HENMT1: variants seen among roughly 807,000 people sequenced by gnomAD.
The protein encoded by HENMT1 is HEN methyltransferase 1.
In HENMT1, 27 loss-of-function variants were observed where a neutral mutation model predicts 31.1. That is an observed-to-expected ratio of 0.87 (90% CI 0.64 to 1.20). HENMT1 has a LOEUF of 1.20. HENMT1 is among the 50% of genes most tolerant of loss of function. The pLI is 0.00. For missense variants in HENMT1, 438 were observed against 469.6 expected, an observed-to-expected ratio of 0.93 and a Z score of 0.62; for synonymous variants, 167 against 172.2, an observed-to-expected ratio of 0.97 and a Z score of 0.24.
intron 7 of HENMT1, 153 bp downstream of exon 7, chr1:108,650,058 C>T: frequency 1.3e-6 from 1 of 743,674 alleles, no homozygotes; most frequent in Non-Finnish European, 2.4e-6. Context: ...CTAACTCGGA[C>T]AGTAGTCATG....
At chr1:108,655,888 C>G (rs1658224471) in intron 3 of HENMT1, among the ~76,000 whole-genome samples, 190 bp from the exon 4 acceptor site, 1 of 148,898 alleles carries the variant, frequency 6.7e-6, no homozygotes, top group South Asian at 2.1e-4. Context: ...CACACACACA[C>G]ACACTAACCT....
At position 108,650,454 on chromosome 1, in the gene HENMT1, T is replaced by C. The variant is rs919048974; in HGVS notation, c.579-66A>G. 23 of 1,399,928 alleles carry C rather than the reference T, an allele frequency of 1.6e-5. No homozygotes were observed. In the African/African-American group the frequency reaches 2.7e-4, roughly 17 times the overall value. The allele number at this position is 1,399,928 out of a possible 1,614,324, so 86.7% of individuals were successfully genotyped here. On this transcript the variant is annotated intron_variant, in intron 6 of 7. Transcript: ENST00000651461. ...AGAGCTACTGTTAAATAAGGAACCATTTCTGGTCAGCAGTAAAAGAGAACA... is the reference window on the plus strand; with the variant it reads ...AGAGCTACTGTTAAATAAGGAACCACTTCTGGTCAGCAGTAAAAGAGAACA...
chr1:108,650,427 GTA>G, intron 6 of HENMT1, 39 bp from the exon 7 acceptor site: 1 of 1,566,124 alleles, frequency 6.4e-7, no homozygotes, highest in East Asian at 2.2e-5. Flanking sequence ...TTTTCTAAAT[GTA>G]GAGCTACTGT....
chr1:108,657,992 T>G lies in HENMT1; in HGVS notation c.22-413A>C, dbSNP rs12039695. Among the ~76,000 whole-genome samples, 20 of 145,958 alleles carry G rather than the reference T, an allele frequency of 1.4e-4. 2 individuals carry two copies. The highest frequency in any genetic ancestry group is 5.4e-4 in the African/African-American group (20 of 37,212). On this transcript the variant is annotated intron_variant, in intron 2 of 7. Coordinates refer to ENST00000651461, the MANE Select transcript of HENMT1 (RefSeq NM_001102592.2). ...ATATATATACACACACACATATATA[T>G]ACACACACACACACACATATATGTA...
At chr1:108,655,476 C>T (rs1658202642) in intron 4 of HENMT1, 110 bp downstream of exon 4, 8 of 558,890 alleles carry the variant, frequency 1.4e-5, no homozygotes, top group South Asian at 6.5e-5. Context: ...GTTGAAGATC[C>T]CTAATGGCCC....
chr1:108,658,096 TATATACACACACACACACACAC>T (rs1219951748), intron 2 of HENMT1, among the ~76,000 whole-genome samples: 14 of 107,192 alleles, frequency 1.3e-4, no homozygotes, highest in Admixed American at 5.9e-4. Flanking sequence ...CACACACACA[TATATACACACACACACACACAC>T]ATATATATAT....
intron 2 of HENMT1, among the ~76,000 whole-genome samples, chr1:108,658,143 T>A (rs185894936): frequency 6.8e-5 from 10 of 148,126 alleles, no homozygotes; most frequent in African/African-American, 1.7e-4. Flanking sequence ...ATTTTTTTTT[T>A]CCCCCCAAGA....
intron 7 of HENMT1, 138 bp downstream of exon 7, chr1:108,650,073 C>G (rs930347452): frequency 1.5e-5 from 12 of 792,960 alleles, no homozygotes; most frequent in Non-Finnish European, 2.6e-5. Context: ...GTCATGGGGC[C>G]TGAAGAATTC....
rs375964942 is a variant in HENMT1 at position 108,648,640 on chromosome 1, T to C, written c.1108A>G (p.Ile370Val). ...EMMRSVIADS[I>V]PLSSDGSAVV... ...GCAGAACCATCACTGCTCAGAGGAA[T>C]TGAGTCAGCAATGACTGATCTCATC... is the stretch of plus-strand genomic sequence containing the variant. The change falls in exon 8 of 8, where the codon ATT (isoleucine) becomes GTT (valine). Residue 370 changes from isoleucine to valine, a missense_variant. By Grantham distance (29) the Ile-to-Val change is conservative. Transcript: ENST00000651461. The C allele has an allele frequency of 1.9e-5, 31 of 1,614,106 alleles. No individual in the cohort carries two copies. The highest frequency in any genetic ancestry group is 2.5e-5 in the Non-Finnish European group (29 of 1,180,030).
intron 3 of HENMT1, among the ~76,000 whole-genome samples, chr1:108,655,948 G>A (rs1570636710): frequency 6.6e-6 from 1 of 150,802 alleles, no homozygotes; most frequent in Non-Finnish European, 1.5e-5. Flanking sequence ...CACTAAAATA[G>A]AAAGGTCCAT....
rs1416863853 is a variant in HENMT1 at position 108,658,072 on chromosome 1, CACACACACACACACACACACACATATAT to C, written c.22-521_22-494del. 3.9e-3 allele frequency among the ~76,000 whole-genome samples: 35 copies of C among 8,988 alleles called. 1 individual carries two copies. Among genetic ancestry groups the C allele is most frequent in the South Asian group, 0.011 (2 of 182 alleles). The allele number at this position is 8,988 out of a possible 152,430, so 5.9% of individuals were successfully genotyped here. On this transcript the variant is annotated intron_variant, in intron 2 of 7. Transcript: ENST00000651461. ...ACACACACACACACATATATATGTACACACACACACACACACACACACATATATACACACACACACACACACATATATA... is the reference window on the plus strand; with the variant it reads ...ACACACACACACACATATATATGTACACACACACACACACACACATATATA...
At chr1:108,661,126 G>A (rs142138326), upstream of HENMT1, 870 of 468,870 alleles carry the variant, frequency 1.9e-3, 3 homozygotes, top group Non-Finnish European at 2.0e-3. Flanking sequence ...TGACGCTACC[G>A]CCGCGGCTAC....
intron 5 of HENMT1, among the ~76,000 whole-genome samples, chr1:108,653,942 T>C (rs1308683401): frequency 1.3e-5 from 2 of 152,226 alleles, no homozygotes; most frequent in Non-Finnish European, 2.9e-5. Flanking sequence ...TGTGCTTTTG[T>C]AGTCTTACTC....
intron 1 of HENMT1, 25 bp from the exon 2 acceptor site, chr1:108,659,987 T>G (rs370449042): frequency 1.5e-6 from 2 of 1,303,344 alleles, no homozygotes; most frequent in African/African-American, 3.1e-5. Context: ...AAACCGTTTT[T>G]GTAAAGCGAT....
chr1:108,657,971 A>G lies in HENMT1; in HGVS notation c.22-392T>C, dbSNP rs1054523051. 8.9e-5 allele frequency among the ~76,000 whole-genome samples: 13 copies of G among 146,356 alleles called. No individual in the cohort carries two copies. In the Admixed American group the frequency reaches 9.0e-4, roughly 10 times the overall value. On this transcript the variant is annotated intron_variant, in intron 2 of 7. Coordinates refer to ENST00000651461, the MANE Select transcript of HENMT1 (RefSeq NM_001102592.2). ...ATATTTATAATGACTGACTATATAT[A>G]TATACACACACACATATATATACAC...
In HENMT1 at chr1:108,660,957, G is replaced by A; in HGVS notation, c.-79+6C>T. ...AAAAAGAAAAAGAAAAAGAAACCCT[G>A]CTCACTGAAACCAACGCTTCTGTCT... On this transcript the variant is annotated splice_donor_region_variant and intron_variant, in intron 1 of 7. Coordinates refer to ENST00000651461, the MANE Select transcript of HENMT1 (RefSeq NM_001102592.2). 1.0e-6 allele frequency: 1 copy of A among 982,060 alleles called. No homozygotes were observed. The highest frequency in any genetic ancestry group is 4.7e-5 in the South Asian group (1 of 21,208). The allele number at this position is 982,060 out of a possible 1,614,324, so 60.8% of individuals were successfully genotyped here.
intron 3 of HENMT1, among the ~76,000 whole-genome samples, chr1:108,656,711 G>T (rs1658255193): frequency 6.6e-6 from 1 of 152,140 alleles, no homozygotes; most frequent in African/African-American, 2.4e-5. Flanking sequence ...CTAGCCACCT[G>T]CCTCAGCCTC....
In HENMT1 at chr1:108,651,704, GAGAC is replaced by G. The variant is rs759635623; in HGVS notation, c.399-499_399-496del. 1.8e-4 allele frequency among the ~76,000 whole-genome samples: 26 copies of G among 146,608 alleles called. 1 individual carries two copies. The highest frequency in any genetic ancestry group is 3.8e-4 in the African/African-American group (15 of 39,994). ...AGGAAAGAAAGAAAAGAAAGAGAGA[GAGAC>G]AGACAGAAAGAAAGAGAAAGAGAGA... On this transcript the variant is annotated intron_variant, in intron 5 of 7. Transcript: ENST00000651461.
chr1:108,653,908 AT>A (rs1286421155), intron 5 of HENMT1, among the ~76,000 whole-genome samples: 3 of 152,040 alleles, frequency 2.0e-5, no homozygotes, highest in African/African-American at 7.2e-5. Flanking sequence ...ATATATTCCC[AT>A]TTGTGTATTT....
Sources: allele counts gnomAD v4.1 joint callset (sites outside exome capture counted in the v4.1 genomes callset), GRCh38; gene constraint gnomAD v4.1.1; transcripts MANE v1.5; gene names NCBI Gene and HGNC (gene_info 2026-07-23, HGNC 2026-07-21).